TRABD2B: variants seen among roughly 807,000 people sequenced by gnomAD.
TRABD2B encodes the protein metalloprotease TIKI2.
Under a neutral mutation model 40.1 loss-of-function variants are expected in TRABD2B, and 14 were observed. That is an observed-to-expected ratio of 0.35 (90% CI 0.23 to 0.55). The LOEUF (loss-of-function observed/expected upper bound fraction) is 0.55, where lower values mean the gene tolerates loss of function less well. Ranked by LOEUF, TRABD2B falls within the 20% of genes least tolerant of loss-of-function variation. TRABD2B has a pLI of 0.90. For missense variants in TRABD2B, 541 were observed against 648.6 expected, an observed-to-expected ratio of 0.83 and a Z score of 1.80; for synonymous variants, 263 against 277.0, an observed-to-expected ratio of 0.95 and a Z score of 0.50.
intron 6 of TRABD2B, among the ~76,000 whole-genome samples, chr1:47,772,845 A>G (rs1340215458): frequency 6.6e-6 from 1 of 152,116 alleles, no homozygotes; most frequent in East Asian, 1.9e-4. Flanking sequence ...AAATTTCAAC[A>G]AACAGGCTGC....
At chr1:47,840,495 C>G (rs1645381647) in intron 2 of TRABD2B, among the ~76,000 whole-genome samples, 1 of 152,218 alleles carries the variant, frequency 6.6e-6, no homozygotes, top group African/African-American at 2.4e-5. Context: ...CCTCCTGTCC[C>G]TCCCTGGTCC....
chr1:47,838,947 C>A (rs1645356386), intron 2 of TRABD2B, among the ~76,000 whole-genome samples: 1 of 152,196 alleles, frequency 6.6e-6, no homozygotes, highest in Admixed American at 6.5e-5. Context: ...TGGCTTGCGG[C>A]CTGGGCTGTT....
chr1:47,938,004 A>G (rs1645136564), intron 2 of TRABD2B, among the ~76,000 whole-genome samples: 1 of 152,172 alleles, frequency 6.6e-6, no homozygotes, highest in South Asian at 2.1e-4. Context: ...CAATATTATG[A>G]TTCTCCAGTT....
chr1:47,899,078 C>T (rs372215595), intron 2 of TRABD2B, among the ~76,000 whole-genome samples: 1 of 152,242 alleles, frequency 6.6e-6, no homozygotes, highest in Non-Finnish European at 1.5e-5. Context: ...GGATGTGAGA[C>T]CCTGGCCTGG....
chr1:47,881,140 G>A (rs1276262213), intron 2 of TRABD2B, among the ~76,000 whole-genome samples: 4 of 152,188 alleles, frequency 2.6e-5, no homozygotes, highest in East Asian at 1.9e-4. Context: ...AATCCTGCAT[G>A]GTCTGGTCCC....
At chr1:47,869,881 T>C (rs1644116397) in intron 2 of TRABD2B, among the ~76,000 whole-genome samples, 5 of 152,112 alleles carry the variant, frequency 3.3e-5, no homozygotes, top group Admixed American at 2.0e-4. Flanking sequence ...AGTTGTGCTA[T>C]GGAAGGGGTA....
At chr1:47,960,466 C>T (rs545211739) in intron 2 of TRABD2B, among the ~76,000 whole-genome samples, 131 of 152,242 alleles carry the variant, frequency 8.6e-4, no homozygotes, top group Middle Eastern at 3.4e-3. Flanking sequence ...TTAGAAAACC[C>T]GATTGTCTCA....
intron 2 of TRABD2B, among the ~76,000 whole-genome samples, chr1:47,928,053 T>C (rs1286862946): frequency 6.6e-6 from 1 of 152,178 alleles, no homozygotes; most frequent in East Asian, 1.9e-4. Context: ...TTTAACAAGA[T>C]CCTCAAGTGA....
At chr1:47,897,021 T>G (rs990148712) in intron 2 of TRABD2B, among the ~76,000 whole-genome samples, 4 of 152,084 alleles carry the variant, frequency 2.6e-5, no homozygotes, top group African/African-American at 9.7e-5. Flanking sequence ...TCACAAGGTA[T>G]TGGATGTGAT....
chr1:47,877,401 T>G (rs141285311), intron 2 of TRABD2B, among the ~76,000 whole-genome samples: 1 of 152,260 alleles, frequency 6.6e-6, no homozygotes, highest in Non-Finnish European at 1.5e-5. Context: ...GGCAAAGGCT[T>G]GGGTCCTTTG....
At chr1:47,886,340 T>C (rs955184161) in intron 2 of TRABD2B, among the ~76,000 whole-genome samples, 5 of 152,212 alleles carry the variant, frequency 3.3e-5, no homozygotes, top group African/African-American at 4.8e-5. Flanking sequence ...CGCTGAAGTG[T>C]TGGCCGTTCC....
intron 2 of TRABD2B, among the ~76,000 whole-genome samples, chr1:47,896,008 T>C (rs1261310720): frequency 6.6e-6 from 1 of 152,218 alleles, no homozygotes; most frequent in Non-Finnish European, 1.5e-5. Context: ...GCCGGGGGCA[T>C]GGTGCCCAGC....
intron 2 of TRABD2B, among the ~76,000 whole-genome samples, chr1:47,988,577 C>G (rs1049203713): frequency 1.3e-5 from 2 of 152,172 alleles, no homozygotes; most frequent in African/African-American, 2.4e-5. Flanking sequence ...GCAGCAGGAT[C>G]ACCCACTGGA....
intron 2 of TRABD2B, among the ~76,000 whole-genome samples, chr1:47,896,170 A>T (rs112456495): frequency 2.6e-5 from 4 of 152,224 alleles, no homozygotes; most frequent in African/African-American, 9.6e-5. Context: ...ATATTAAAAT[A>T]ACACCTCCCC....
rs537602136 is a variant in TRABD2B, at chr1:47,768,409, C to T, written c.1350-2303G>A. ...GCATGTTGTGCCTCCCACCCCATGC[C>T]GGCCTGATCTGGCCTGACTGCCCTC... is the stretch of plus-strand genomic sequence containing the variant. On this transcript the variant is annotated intron_variant, in intron 6 of 6. Transcript: ENST00000606738. Among the ~76,000 whole-genome samples the T allele has an allele frequency of 3.3e-5, 5 of 152,284 alleles. No homozygotes were observed. In the East Asian group the frequency reaches 5.8e-4, roughly 18 times the overall value.
At chr1:47,893,698 T>G (rs1208328799) in intron 2 of TRABD2B, among the ~76,000 whole-genome samples, 2 of 152,174 alleles carry the variant, frequency 1.3e-5, no homozygotes, top group African/African-American at 2.4e-5. Flanking sequence ...CTGTTGTTGA[T>G]TAAATGCACA....
chr1:47,972,637 C>T (rs542991550), intron 2 of TRABD2B, among the ~76,000 whole-genome samples: 1 of 152,178 alleles, frequency 6.6e-6, no homozygotes, highest in Non-Finnish European at 1.5e-5. Context: ...AGACTTCCAG[C>T]CTCTAGAACT....
At position 47,997,167 on chromosome 1, in the gene TRABD2B, G is replaced by C; in HGVS notation, c.-378C>G. 1.0e-6 allele frequency: 1 copy of C among 983,824 alleles called. No individual in the cohort carries two copies. 60.9% of individuals were successfully genotyped at this position (983,824 alleles called of 1,614,324 possible). On this transcript the variant is annotated 5_prime_UTR_variant, in exon 1 of 7. Coordinates refer to ENST00000606738, the MANE Select transcript of TRABD2B (RefSeq NM_001194986.2). ...AACCCGGGGTGCGCAAGGGTCCCGG[G>C]GTTATGCTGGGCACCCGGGGCACGC...
intron 2 of TRABD2B, among the ~76,000 whole-genome samples, chr1:47,877,602 T>C (rs1339089876): frequency 6.6e-6 from 1 of 152,110 alleles, no homozygotes; most frequent in Non-Finnish European, 1.5e-5. Flanking sequence ...GTTGCACATC[T>C]CAGAACTCAC....
Sources: allele counts gnomAD v4.1 joint callset (sites outside exome capture counted in the v4.1 genomes callset), GRCh38; gene constraint gnomAD v4.1.1; transcripts MANE v1.5; gene names NCBI Gene and HGNC (gene_info 2026-07-23, HGNC 2026-07-21).